TVP23A: variants seen among roughly 807,000 people sequenced by gnomAD.
TVP23A encodes Golgi apparatus membrane protein TVP23 homolog A.
A neutral mutation model predicts 31.7 loss-of-function variants in TVP23A; 21 were observed. That is an observed-to-expected ratio of 0.66 (90% CI 0.47 to 0.95). The LOEUF is 0.95. TVP23A is among the 40% of genes least tolerant of loss of function. The pLI is 0.00. For missense variants in TVP23A, 279 were observed against 255.6 expected (o/e 1.09, Z -0.62); for synonymous variants, 104 against 96.0 (o/e 1.08, Z -0.49).
rs779820171 is a variant in TVP23A, at chr16:10,775,107, A to T, written c.90-11T>A. 6.9e-6 allele frequency: 11 copies of T among 1,602,728 alleles called. No individual in the cohort carries two copies. The highest frequency in any genetic ancestry group is 1.7e-5 in the Admixed American group (1 of 58,266). On this transcript the variant is annotated splice_polypyrimidine_tract_variant and intron_variant, in intron 2 of 7. Transcript: ENST00000299866. ...GTGGCCAAGGGGTGTCTAGGAAAGG[A>T]CCCAGAAGGCGCCCTCACTCCAAGA...
intron 2 of TVP23A, among the ~76,000 whole-genome samples, chr16:10,798,238 T>C (rs927388142): frequency 3.3e-5 from 5 of 152,196 alleles, no homozygotes; most frequent in Middle Eastern, 3.4e-3. Flanking sequence ...GGATTACAGG[T>C]GTGCGCCCGC....
chr16:10,772,241 G>T (rs994243142), intron 5 of TVP23A, among the ~76,000 whole-genome samples: 1 of 152,204 alleles, frequency 6.6e-6, no homozygotes, highest in Non-Finnish European at 1.5e-5. Flanking sequence ...GGAAACTGAG[G>T]CTCAGGAAGA....
intron 2 of TVP23A, among the ~76,000 whole-genome samples, chr16:10,793,372 G>C (rs566311625): frequency 6.2e-4 from 95 of 152,224 alleles, no homozygotes; most frequent in African/African-American, 2.1e-3. Context: ...GGACAAGTTG[G>C]GGGGGTGCCT....
At chr16:10,765,451 T>A (rs1216703527), downstream of TVP23A, among the ~76,000 whole-genome samples, 3 of 151,860 alleles carry the variant, frequency 2.0e-5, no homozygotes, top group East Asian at 3.9e-4. The surrounding 1 kb of genome is among the most constrained non-coding windows in gnomAD (Gnocchi z 4.0). Flanking sequence ...GAGGTTGCAG[T>A]GAGCCATGAT....
chr16:10,816,780 G>A (rs1229872752), intron 2 of TVP23A, among the ~76,000 whole-genome samples: 3 of 151,814 alleles, frequency 2.0e-5, no homozygotes, highest in Admixed American at 6.6e-5. Context: ...GCTAAATGAC[G>A]AGTTAATGGG....
chr16:10,780,915 A>T (rs2032381869), intron 2 of TVP23A, among the ~76,000 whole-genome samples: 1 of 151,896 alleles, frequency 6.6e-6, no homozygotes, highest in Non-Finnish European at 1.5e-5. Flanking sequence ...CTTTGCAGGG[A>T]TCTCCCAAGA....
At chr16:10,812,585 T>A (rs540663106) in intron 2 of TVP23A, among the ~76,000 whole-genome samples, 4 of 152,184 alleles carry the variant, frequency 2.6e-5, no homozygotes, top group Non-Finnish European at 4.4e-5. Flanking sequence ...GGAAGGAAAT[T>A]CTGGCACATT....
intron 2 of TVP23A, among the ~76,000 whole-genome samples, chr16:10,797,204 G>C (rs970547098): frequency 3.3e-5 from 5 of 151,552 alleles, no homozygotes; most frequent in South Asian, 2.1e-4. Context: ...AAAAAAGATT[G>C]AAAGTTCAGA....
At chr16:10,808,213 T>G (rs1457598293) in intron 2 of TVP23A, among the ~76,000 whole-genome samples, 4 of 152,098 alleles carry the variant, frequency 2.6e-5, no homozygotes, top group African/African-American at 4.8e-5. Flanking sequence ...TTTGCTATTG[T>G]TATTTTTCAT....
intron 2 of TVP23A, among the ~76,000 whole-genome samples, chr16:10,811,169 A>G (rs1403259036): frequency 2.6e-5 from 4 of 152,234 alleles, no homozygotes; most frequent in African/African-American, 9.6e-5. Context: ...CTGGAACTAC[A>G]TAGTAGTAAT....
At chr16:10,798,349 T>A (rs1201290725) in intron 2 of TVP23A, among the ~76,000 whole-genome samples, 1 of 152,160 alleles carries the variant, frequency 6.6e-6, no homozygotes, top group Non-Finnish European at 1.5e-5. Context: ...AGCAAGTAAG[T>A]CAACATTTCT....
chr16:10,761,395 TC>T (rs752341242), exon 9 of TVP23A: 7 of 1,614,098 alleles, frequency 4.3e-6, no homozygotes, highest in Non-Finnish European at 5.9e-6. Context: ...CGGAAAGAAA[TC>T]AACTTCTGCC....
chr16:10,784,048 G>A (rs2032583925), intron 2 of TVP23A, among the ~76,000 whole-genome samples: 1 of 151,918 alleles, frequency 6.6e-6, no homozygotes, highest in South Asian at 2.1e-4. Context: ...CTCATAGAAT[G>A]GGCTAGGCGT....
intron 2 of TVP23A, among the ~76,000 whole-genome samples, chr16:10,790,154 A>T (rs1262617448): frequency 4.6e-5 from 7 of 152,084 alleles, no homozygotes; most frequent in Admixed American, 4.6e-4. Context: ...CAGCATTGGG[A>T]GGGCCTGGAA....
In TVP23A at chr16:10,773,357, C is replaced by T. The variant is rs774722019; in HGVS notation, c.409G>A (p.Val137Met). ...GLIICPMIWI[V>M]FFFSTLFSLK... is the part of the protein sequence containing the mutation. ...GAAAATAAGGTGCTAAAAAAAAACA[C>T]AATCCATATCATGGGGCAGATTATG... Residue 137 changes from valine (V) to methionine (M), a missense_variant, in exon 5 of 8, where the codon GTG becomes ATG. By Grantham distance (21) the Val-to-Met change is conservative. Coordinates refer to ENST00000299866, the MANE Select transcript of TVP23A (RefSeq NM_001079512.4). 6.2e-7 allele frequency: 1 copy of T among 1,610,626 alleles called. No homozygotes were observed. The highest frequency in any genetic ancestry group is 1.1e-5 in the South Asian group (1 of 89,734).
intron 2 of TVP23A, among the ~76,000 whole-genome samples, chr16:10,791,766 C>A (rs2142991415): frequency 1.3e-5 from 2 of 152,282 alleles, no homozygotes; most frequent in Admixed American, 6.5e-5. Flanking sequence ...TGCCACCATG[C>A]CCGGCTAATT....
intron 2 of TVP23A, among the ~76,000 whole-genome samples, chr16:10,813,240 A>G (rs1453075506): frequency 6.6e-6 from 1 of 152,256 alleles, no homozygotes; most frequent in Admixed American, 6.5e-5. Flanking sequence ...CGACTGGCCA[A>G]TGGAGGCCCA....
chr16:10,761,736 C>G (rs778827686), downstream of TVP23A: 3 of 1,587,496 alleles, frequency 1.9e-6, no homozygotes, highest in South Asian at 3.3e-5. Context: ...ATGTTTCCTC[C>G]CCTTTGAATT....
chr16:10,804,136 C>T (rs891637840), intron 2 of TVP23A, among the ~76,000 whole-genome samples: 9 of 152,190 alleles, frequency 5.9e-5, no homozygotes, highest in Non-Finnish European at 1.3e-4. Context: ...TCCATATGCA[C>T]AGCCTGACCG....
Sources: gnomAD v4.1 joint callset for allele counts (sites outside exome capture counted in the v4.1 genomes callset) on GRCh38, gnomAD v4.1.1 for gene constraint, Gnocchi (gnomAD v3.1) non-coding constraint, MANE v1.5 for transcripts, NCBI Gene and HGNC (gene_info 2026-07-23, HGNC 2026-07-21) for gene names.